YAE1: variants seen among roughly 807,000 people sequenced by gnomAD.
YAE1 encodes protein YAE1 homolog.
Under a neutral mutation model 23.0 loss-of-function variants are expected in YAE1, and 22 were observed. That is an observed-to-expected ratio of 0.96 (90% CI 0.68 to 1.37). The LOEUF is 1.37. Among genes scored for constraint, YAE1 ranks in the 40% most tolerant of loss-of-function variants. YAE1 has a pLI of 0.00. For missense variants in YAE1, 260 were observed against 262.1 expected (o/e 0.99, Z 0.06); for synonymous variants, 101 against 97.0 (o/e 1.04, Z -0.24).
intron 2 of YAE1, among the ~76,000 whole-genome samples, chr7:39,605,750 G>A (rs1020147760): frequency 6.6e-6 from 1 of 152,014 alleles, no homozygotes; most frequent in African/African-American, 2.4e-5. Flanking sequence ...TGTTGGTTCT[G>A]TTTCTCTGCA....
At chr7:39,596,448 G>A (rs185521462) in intron 2 of YAE1, among the ~76,000 whole-genome samples, 204 of 152,078 alleles carry the variant, frequency 1.3e-3, no homozygotes, top group Middle Eastern at 6.8e-3. Flanking sequence ...ATGTTGGCCA[G>A]GCTGGTCTTG....
chr7:39,575,577 A>AGAGAGAGAGAGTGTGTGT (rs1173016799), downstream of YAE1, among the ~76,000 whole-genome samples: 2 of 80,208 alleles, frequency 2.5e-5, no homozygotes, highest in East Asian at 3.1e-4. Context: ...AGAGAGAGAG[A>AGAGAGAGAGAGTGTGTGT]GTGAGTGTGT....
chr7:39,580,860 C>A (rs995328222), intron 2 of YAE1, among the ~76,000 whole-genome samples: 1 of 152,044 alleles, frequency 6.6e-6, no homozygotes, highest in Non-Finnish European at 1.5e-5. Context: ...CATAAGAAAA[C>A]CTGTTCAAAA....
downstream of YAE1, among the ~76,000 whole-genome samples, chr7:39,574,119 G>A (rs1790617172): frequency 6.6e-6 from 1 of 152,194 alleles, no homozygotes; most frequent in South Asian, 2.1e-4. Context: ...TGTCATGGGT[G>A]TGGTAAATCT....
At chr7:39,569,416 A>G (rs1453548948) in intron 1 of YAE1, 2 of 474,582 alleles carry the variant, frequency 4.2e-6, no homozygotes, top group Non-Finnish European at 8.3e-6. Flanking sequence ...GTGTTGTGTT[A>G]TGGCATTCTG....
chr7:39,606,078 C>G (rs185289705), intron 2 of YAE1, among the ~76,000 whole-genome samples: 2 of 151,430 alleles, frequency 1.3e-5, no homozygotes, highest in Non-Finnish European at 2.9e-5. Context: ...CTCCAGAAAA[C>G]CACTTCAAAA....
At chr7:39,585,905 C>T (rs536314482) in intron 2 of YAE1, among the ~76,000 whole-genome samples, 12 of 152,192 alleles carry the variant, frequency 7.9e-5, no homozygotes, top group African/African-American at 2.9e-4. Flanking sequence ...GAATTCGAGA[C>T]CAGCCCGGGC....
chr7:39,599,624 T>C (rs1791026943), intron 2 of YAE1, among the ~76,000 whole-genome samples: 1 of 152,118 alleles, frequency 6.6e-6, no homozygotes, highest in Non-Finnish European at 1.5e-5. Context: ...AATTATAGAA[T>C]TATAGTAAGT....
chr7:39,590,655 A>G (rs1487615702), intron 2 of YAE1, among the ~76,000 whole-genome samples: 2 of 152,332 alleles, frequency 1.3e-5, no homozygotes, highest in East Asian at 3.9e-4. Flanking sequence ...CTTTAAGGCC[A>G]TTTTATACAC....
intron 2 of YAE1, among the ~76,000 whole-genome samples, chr7:39,607,691 T>A (rs1791150430): frequency 6.6e-6 from 1 of 152,256 alleles, no homozygotes. Context: ...TTTTTTAAGA[T>A]GTAGTCTCGC....
intron 2 of YAE1, among the ~76,000 whole-genome samples, chr7:39,589,123 AT>A (rs1417990814): frequency 1.3e-5 from 2 of 151,860 alleles, no homozygotes; most frequent in African/African-American, 4.8e-5. Context: ...CACCTGGCTA[AT>A]TTTAGTTTCA....
Position 39,566,469 on chromosome 7 carries a change from G to A in YAE1, c.51G>A (p.Gly17=), listed in dbSNP as rs1790468219. 1.2e-6 allele frequency: 2 copies of A among 1,614,214 alleles called. No homozygotes were observed. The highest frequency in any genetic ancestry group is 1.1e-5 in the South Asian group (1 of 91,090). The change falls in exon 1 of 3, where the codon GGG becomes GGA. Residue 17 remains glycine (G), a synonymous_variant. Coordinates refer to ENST00000223273, the MANE Select transcript of YAE1 (RefSeq NM_020192.5). ...ASLIQGPGDK[G]DVFDEEADES... ...TGATCCAGGGCCCTGGAGACAAAGG[G>A]GACGTGTTTGACGAAGAAGCAGACG...
intron 2 of YAE1, 28 bp downstream of exon 2, chr7:39,570,655 C>A: frequency 6.4e-7 from 1 of 1,572,798 alleles, no homozygotes; most frequent in South Asian, 1.2e-5. Flanking sequence ...AATGCTGAAT[C>A]ATTTTAACCT....
intron 2 of YAE1, among the ~76,000 whole-genome samples, chr7:39,583,885 AAT>A (rs1433809929): frequency 6.6e-6 from 1 of 152,216 alleles, no homozygotes; most frequent in East Asian, 1.9e-4. Context: ...TATTGTAAAG[AAT>A]CTGCATATAT....
intron 2 of YAE1, among the ~76,000 whole-genome samples, chr7:39,601,656 G>T (rs2115843505): frequency 1.3e-5 from 2 of 151,502 alleles, no homozygotes; most frequent in South Asian, 4.2e-4. Context: ...CTGCTCGGGA[G>T]GCTGAGGCAG....
chr7:39,572,686 C>T lies in YAE1; in HGVS notation c.661C>T (p.Gln221Ter). The T allele has an allele frequency of 6.3e-7, 1 of 1,589,352 alleles. No individual in the cohort carries two copies. The highest frequency in any genetic ancestry group is 1.2e-5 in the South Asian group (1 of 86,232). Residue 221 changes from glutamine (Q) to a stop codon, truncating the protein, a stop_gained, in exon 3 of 3, where the codon CAA becomes TAA. Transcript: ENST00000223273. LOFTEE classifies it high-confidence loss of function. ...KQLGLSVDVL[Q>*]HLKQL ...GCTGGGCCTATCAGTAGATGTATTA[C>T]AACACCTCAAACAACTATAAAATTA...
At chr7:39,609,103 C>A (rs117974547) in intron 2 of YAE1, among the ~76,000 whole-genome samples, 1 of 152,302 alleles carries the variant, frequency 6.6e-6, no homozygotes, top group East Asian at 1.9e-4. Flanking sequence ...AGCCCGCCAG[C>A]CCCTTTAATG....
intron 1 of YAE1, among the ~76,000 whole-genome samples, chr7:39,569,193 C>T (rs1790525666): frequency 6.6e-6 from 1 of 152,112 alleles, no homozygotes; most frequent in African/African-American, 2.4e-5. Context: ...ACCATACTGT[C>T]CTTAAATCAT....
intron 2 of YAE1, among the ~76,000 whole-genome samples, chr7:39,606,165 G>A (rs1356671732): frequency 2.0e-5 from 3 of 151,662 alleles, no homozygotes; most frequent in Non-Finnish European, 4.4e-5. Flanking sequence ...GTGACTTCTA[G>A]CTGTATTTTT....
Sources: allele counts gnomAD v4.1 joint callset (sites outside exome capture counted in the v4.1 genomes callset), GRCh38; gene constraint gnomAD v4.1.1; transcripts MANE v1.5; gene names NCBI Gene and HGNC (gene_info 2026-07-23, HGNC 2026-07-21).